The following CNTNAP4 variants were observed in gnomAD, a reference collection of about 807,000 sequenced individuals.
The protein encoded by CNTNAP4 is contactin associated protein family member 4.
In CNTNAP4, 98 loss-of-function variants were observed where a neutral mutation model predicts 148.4. The ratio of observed to expected loss-of-function variants is 0.66; its 90% confidence interval spans 0.56 to 0.78. The LOEUF (loss-of-function observed/expected upper bound fraction) is 0.78. Ranked by LOEUF, CNTNAP4 falls within the 30% of genes least tolerant of loss-of-function variation. The pLI, the probability that CNTNAP4 is intolerant of heterozygous loss-of-function variation, is 0.00. For synonymous variants in CNTNAP4, 730 were observed against 565.1 expected (o/e 1.29, Z -4.14); for missense variants, 1,935 against 1,565.6 (o/e 1.24, Z -3.98).
At chr16:76,496,085 T>TGTGTG (rs1555576716) in intron 14 of CNTNAP4, among the ~76,000 whole-genome samples, 1 of 140,036 alleles carries the variant, frequency 7.1e-6, no homozygotes, top group East Asian at 2.1e-4. Flanking sequence ...CAAGATTATG[T>TGTGTG]TGTGTGTGTG....
chr16:76,530,203 C>T (rs979833788), intron 17 of CNTNAP4, among the ~76,000 whole-genome samples: 33 of 151,694 alleles, frequency 2.2e-4, no homozygotes, highest in African/African-American at 7.5e-4. Flanking sequence ...TAATATATTC[C>T]AGATTTTTAT....
chr16:76,543,858 G>A (rs1286592129), intron 21 of CNTNAP4, among the ~76,000 whole-genome samples: 4 of 152,160 alleles, frequency 2.6e-5, no homozygotes, highest in African/African-American at 9.7e-5. Context: ...CGTGGTCTTT[G>A]AGGCACATTC....
At chr16:76,322,606 G>GA (rs2056955166) in intron 2 of CNTNAP4, among the ~76,000 whole-genome samples, 1 of 152,186 alleles carries the variant, frequency 6.6e-6, no homozygotes, top group African/African-American at 2.4e-5. Context: ...ATAACAGTGA[G>GA]ATGGTATTGT....
chr16:76,484,584 G>A (rs142303828), intron 12 of CNTNAP4, among the ~76,000 whole-genome samples: 45 of 152,238 alleles, frequency 3.0e-4, no homozygotes, highest in African/African-American at 1.0e-3. Context: ...CAAGAATGGG[G>A]GAGGTTAAGT....
At chr16:76,310,886 C>T (rs774066699) in intron 1 of CNTNAP4, among the ~76,000 whole-genome samples, 5 of 152,080 alleles carry the variant, frequency 3.3e-5, no homozygotes, top group Non-Finnish European at 5.9e-5. Flanking sequence ...ACCAGATTGC[C>T]TGAATTTAAA....
At chr16:76,310,151 G>A (rs1960944118) in intron 1 of CNTNAP4, among the ~76,000 whole-genome samples, 2 of 152,038 alleles carry the variant, frequency 1.3e-5, no homozygotes, top group African/African-American at 2.4e-5. Context: ...TGTGTATTCA[G>A]TCTCTCGTTG....
intron 3 of CNTNAP4, among the ~76,000 whole-genome samples, chr16:76,371,589 G>T (rs1309973055): frequency 1.3e-5 from 2 of 152,120 alleles, no homozygotes; most frequent in African/African-American, 4.8e-5. Context: ...CTGGCCTGTT[G>T]TCACTTCTGG....
chr16:76,345,241 A>G (rs1283286462), intron 2 of CNTNAP4, among the ~76,000 whole-genome samples: 1 of 152,140 alleles, frequency 6.6e-6, no homozygotes, highest in Non-Finnish European at 1.5e-5. Flanking sequence ...TCCTCTGGCT[A>G]GCTCCCAGCC....
chr16:76,462,613 A>G (rs1470731615), intron 9 of CNTNAP4, among the ~76,000 whole-genome samples: 2 of 152,200 alleles, frequency 1.3e-5, no homozygotes, highest in African/African-American at 2.4e-5. Flanking sequence ...AAATCAGGGC[A>G]TCAGCCTTCG....
At chr16:76,295,927 C>T (rs1959243802) in intron 1 of CNTNAP4, among the ~76,000 whole-genome samples, 1 of 152,170 alleles carries the variant, frequency 6.6e-6, no homozygotes, top group South Asian at 2.1e-4. Flanking sequence ...CAGCGATTCT[C>T]CTGCCTCAGC....
chr16:76,460,351 C>T (rs1166465673), intron 8 of CNTNAP4, among the ~76,000 whole-genome samples: 3 of 151,820 alleles, frequency 2.0e-5, no homozygotes, highest in Non-Finnish European at 2.9e-5. Context: ...TCAGGTGATC[C>T]GCCTGCCTCA....
chr16:76,352,854 G>T (rs2012003326), intron 2 of CNTNAP4, among the ~76,000 whole-genome samples: 1 of 152,064 alleles, frequency 6.6e-6, no homozygotes, highest in Non-Finnish European at 1.5e-5. Context: ...GTGTGCTTCA[G>T]ATCATTCAAG....
intron 12 of CNTNAP4, among the ~76,000 whole-genome samples, chr16:76,486,488 G>A (rs972297732): frequency 2.6e-5 from 4 of 152,064 alleles, no homozygotes; most frequent in African/African-American, 7.2e-5. Flanking sequence ...CCAGGTAGCA[G>A]TTGCTTGTCT....
intron 11 of CNTNAP4, among the ~76,000 whole-genome samples, chr16:76,477,863 C>T (rs954329521): frequency 6.6e-6 from 1 of 152,076 alleles, no homozygotes; most frequent in East Asian, 1.9e-4. Flanking sequence ...AAATATAAAC[C>T]AAACAACTCT....
rs767983181 is a variant in CNTNAP4, at chr16:76,540,735, G to T, written c.3387G>T (p.Leu1129=). 2.5e-6 allele frequency: 4 copies of T among 1,576,964 alleles called. No homozygotes were observed. Among genetic ancestry groups the T allele is most frequent in the Non-Finnish European group, 2.6e-6 (3 of 1,159,432 alleles). The change falls in exon 21 of 24, where the codon CTG becomes CTT. Residue 1129 remains leucine, a synonymous_variant. Coordinates refer to ENST00000611870, the MANE Select transcript of CNTNAP4 (RefSeq NM_033401.5). The stretch of plus-strand genomic sequence containing the variant: ...ATAATAGAAGGAGACAAGTTCACCT[G>T]TCATCAGGCACAGAATTCAGTGCAG... ...IDDNRRRQVH[L]SSGTEFSAVK...
intron 4 of CNTNAP4, among the ~76,000 whole-genome samples, chr16:76,432,154 A>G (rs761720265): frequency 5.9e-5 from 9 of 152,170 alleles, no homozygotes; most frequent in African/African-American, 1.4e-4. Context: ...GCTCCTTTGT[A>G]CTATTTTTTA....
intron 23 of CNTNAP4, 89 bp from the exon 24 acceptor site, chr16:76,558,401 T>G: frequency 1.4e-6 from 1 of 691,804 alleles, no homozygotes; most frequent in South Asian, 2.2e-5. Flanking sequence ...AAGTGGAAAA[T>G]AGTGTTATGA....
rs111634462 is a variant in CNTNAP4 at position 76,515,067 on chromosome 16, C to T, written c.2366-6073C>T. Among the ~76,000 whole-genome samples the T allele has an allele frequency of 8.7e-3, 1,314 of 151,832 alleles. 17 individuals carry two copies. Among genetic ancestry groups the T allele is most frequent in the African/African-American group, 0.029 (1,204 of 41,414 alleles). On this transcript the variant is annotated intron_variant, in intron 15 of 23. Coordinates refer to ENST00000611870, the MANE Select transcript of CNTNAP4 (RefSeq NM_033401.5). ...TAGACTTGACATCGAAAGCACAATC[C>T]GTAAAAGGCTAAATTGATAAATGAG...
chr16:76,282,495 C>T (rs1031622774), intron 1 of CNTNAP4, among the ~76,000 whole-genome samples: 4 of 151,846 alleles, frequency 2.6e-5, no homozygotes, highest in Non-Finnish European at 4.4e-5. Context: ...TAATCAGCAA[C>T]TTACATTTGG....
Sources: allele counts gnomAD v4.1 joint callset (sites outside exome capture counted in the v4.1 genomes callset), GRCh38; gene constraint gnomAD v4.1.1; transcripts MANE v1.5; gene names NCBI Gene and HGNC (gene_info 2026-07-23, HGNC 2026-07-21).